FAM90A1: variants seen among roughly 807,000 people sequenced by gnomAD.
FAM90A1 encodes the protein protein FAM90A1.
FAM90A1 carries 10 observed loss-of-function variants against 14.8 expected under a neutral mutation model. That is an observed-to-expected ratio of 0.67 (90% CI 0.42 to 1.14). FAM90A1 has a LOEUF of 1.14. Ranked by LOEUF, FAM90A1 falls within the 50% of genes most tolerant of loss-of-function variation. The probability of loss-of-function intolerance (pLI) is 0.00; values close to 1 mark genes in which losing one functional copy is unlikely to be tolerated. For synonymous variants in FAM90A1, 236 were observed against 248.4 expected (o/e 0.95, Z 0.47); for missense variants, 567 against 602.8 (o/e 0.94, Z 0.62).
intron 4 of FAM90A1, 67 bp from the exon 5 acceptor site, chr12:8,224,282 A>G: frequency 7.7e-7 from 1 of 1,290,716 alleles, no homozygotes; most frequent in Non-Finnish European, 1.1e-6. Context: ...CCACGTCAAC[A>G]TTGAGACGGA....
In FAM90A1 at chr12:8,222,336, G is replaced by A; in HGVS notation, c.881C>T (p.Ala294Val). 6.2e-7 allele frequency: 1 copy of A among 1,611,656 alleles called. No individual in the cohort carries two copies. Among genetic ancestry groups the A allele is most frequent in the Non-Finnish European group, 8.5e-7 (1 of 1,179,934 alleles). The change falls in exon 7 of 7, where the codon GCC becomes GTC. Residue 294 changes from alanine (A) to valine (V), a missense_variant. Transcript: ENST00000538603. ...LSFGPGAKRS[A>V]PAPIQACLNF... is the part of the protein sequence containing the mutation. ...CAGGCAAGCCTGAATCGGAGCCGGG[G>A]CAGATCTCTTGGCTCCTGGCCCGAA...
chr12:8,226,645 C>A (rs1182141833), intron 1 of FAM90A1, among the ~76,000 whole-genome samples, 167 bp from the exon 2 acceptor site: 1 of 152,104 alleles, frequency 6.6e-6, no homozygotes, highest in Non-Finnish European at 1.5e-5. Flanking sequence ...CAGCTCTCTG[C>A]CATAGGGTCT....
chr12:8,222,533 C>T lies in FAM90A1; in HGVS notation c.684G>A (p.Pro228=), dbSNP rs745993922. ...QGPEPLLVVK[P]THSSPAGGCR... Reference sequence around the variant, plus strand: ...AGCCACCCGCAGGGCTGCTGTGTGTCGGCTTCACCACGAGGAGAGGCTCGG... The same window carrying T: ...AGCCACCCGCAGGGCTGCTGTGTGTTGGCTTCACCACGAGGAGAGGCTCGG... The change falls in exon 7 of 7, where the codon CCG becomes CCA. Residue 228 remains proline, a synonymous_variant. Transcript: ENST00000538603. The T allele has an allele frequency of 5.6e-6, 9 of 1,611,884 alleles. No individual in the cohort carries two copies. The highest frequency in any genetic ancestry group is 5.0e-5 in the Admixed American group (3 of 59,996).
In FAM90A1 at chr12:8,223,499, T is replaced by A; in HGVS notation, c.382A>T (p.Lys128Ter). Residue 128 changes from lysine (K) to a stop codon, truncating the protein, a stop_gained, in exon 6 of 7, where the codon AAG (lysine) becomes TAG (stop). Coordinates refer to ENST00000538603, the MANE Select transcript of FAM90A1 (RefSeq NM_018088.3). LOFTEE classifies it low-confidence loss of function (END_TRUNC). ...LHIFSRKPPE[K>*]PLPNQKGSTE... ...GATCCTTTTTGATTTGGCAGCGGCT[T>A]CTCTGGAGGTTTCCTGGAAAATATG... The A allele has an allele frequency of 3.1e-6, 5 of 1,610,262 alleles. No homozygotes were observed. Among genetic ancestry groups the A allele is most frequent in the Non-Finnish European group, 4.2e-6 (5 of 1,178,240 alleles).
At chr12:8,225,108 G>A (rs1261864124) in intron 3 of FAM90A1, among the ~76,000 whole-genome samples, 2 of 152,272 alleles carry the variant, frequency 1.3e-5, no homozygotes, top group African/African-American at 4.8e-5. Context: ...GCCTGCCACA[G>A]GGCCCGTGGC....
Position 8,221,759 on chromosome 12 carries a change from A to C in FAM90A1, c.*63T>G, listed in dbSNP as rs902964093. The C allele has an allele frequency of 3.3e-6, 5 of 1,513,068 alleles. No individual in the cohort carries two copies. In the African/African-American group the frequency reaches 6.9e-5, roughly 21 times the overall value. The allele number at this position is 1,513,068 out of a possible 1,614,324, so 93.7% of individuals were successfully genotyped here. The stretch of plus-strand genomic sequence containing the variant: ...GTCTGCTCTCTGCTCTGTGCTCCTC[A>C]GTCCCACAGTCCCCTCCAAGTCACG... On this transcript the variant is annotated 3_prime_UTR_variant, in exon 7 of 7. Coordinates refer to ENST00000538603, the MANE Select transcript of FAM90A1 (RefSeq NM_018088.3).
In FAM90A1 at chr12:8,226,332, C is replaced by G. The variant is rs1473155901; in HGVS notation, c.-274G>C. 2.0e-5 allele frequency: 3 copies of G among 152,256 alleles called. No individual in the cohort carries two copies. Among genetic ancestry groups the G allele is most frequent in the African/African-American group, 7.2e-5 (3 of 41,434 alleles). 9.4% of individuals were successfully genotyped at this position (152,256 alleles called of 1,614,324 possible). On this transcript the variant is annotated 5_prime_UTR_variant, in exon 2 of 7. Transcript: ENST00000538603. ...AGGCCTCCGTGTCATCATGGAGATT[C>G]TCCTTGACATGCAGTCACGGCCATG...
In FAM90A1 at chr12:8,227,551, A is replaced by T. The variant is rs1273714515; in HGVS notation, c.-492T>A. Reference sequence around the variant, plus strand: ...CTATGCGTCAGGGGTCAGGGTGCACACATCCCTGCAGGTCTCGGGGCTCCT... The same window carrying T: ...CTATGCGTCAGGGGTCAGGGTGCACTCATCCCTGCAGGTCTCGGGGCTCCT... On this transcript the variant is annotated 5_prime_UTR_variant, in exon 1 of 7. Transcript: ENST00000538603. 9.1e-7 allele frequency: 1 copy of T among 1,099,608 alleles called. No individual in the cohort carries two copies. The highest frequency in any genetic ancestry group is 1.3e-6 in the Non-Finnish European group (1 of 783,184). The allele number at this position is 1,099,608 out of a possible 1,614,324, so 68.1% of individuals were successfully genotyped here. A position where few individuals can be genotyped will look rare whatever the true frequency, so the allele number is the denominator to read the frequency against.
rs1324336668 is a variant in FAM90A1, at chr12:8,225,896, AG to A, written c.-118del. 4 of 152,240 alleles carry A rather than the reference AG, an allele frequency of 2.6e-5. No individual in the cohort carries two copies. Among genetic ancestry groups the A allele is most frequent in the African/African-American group, 7.2e-5 (3 of 41,450 alleles). The allele number at this position is 152,240 out of a possible 1,614,324, so 9.4% of individuals were successfully genotyped here. ...CGCTGAGATGGGCAGGTGCTGGAGC[AG>A]CCCCGCTGGAAGCGATGCAGCATCC... On this transcript the variant is annotated 5_prime_UTR_variant, in exon 3 of 7. It removes the in-frame stop codon of an upstream open reading frame in the 5' UTR. Coordinates refer to ENST00000538603, the MANE Select transcript of FAM90A1 (RefSeq NM_018088.3).
intron 5 of FAM90A1, among the ~76,000 whole-genome samples, chr12:8,223,764 G>T (rs1206780351): frequency 3.3e-5 from 5 of 152,190 alleles, no homozygotes; most frequent in Non-Finnish European, 5.9e-5. Flanking sequence ...CTGTGATTTG[G>T]ATTCCATCAC....
chr12:8,224,166 C>A lies in FAM90A1; in HGVS notation c.173G>T (p.Arg58Met). The A allele has an allele frequency of 1.9e-6, 3 of 1,612,058 alleles. No individual in the cohort carries two copies. Among genetic ancestry groups the A allele is most frequent in the Non-Finnish European group, 1.7e-6 (2 of 1,179,860 alleles). Reference protein sequence around the residue: ...EAFGHTARSTRCPMKCWKAAL... With the variant: ...EAFGHTARSTMCPMKCWKAAL... The stretch of plus-strand genomic sequence containing the variant: ...TGCCTTCCAGCACTTCATGGGGCAC[C>A]TGGTACTTCTGGCCGTGTGGCCAAA... Residue 58 changes from arginine to methionine, a missense_variant, in exon 5 of 7, where the codon AGG becomes ATG. Arg to Met is a moderately conservative substitution (Grantham distance 91). Transcript: ENST00000538603.
chr12:8,222,641 G>T lies in FAM90A1; in HGVS notation c.576C>A (p.Ser192Arg), dbSNP rs1478350079. Reference protein sequence around the residue: ...SLSPLRKASLSSSSSLGPKER... With the variant: ...SLSPLRKASLRSSSSLGPKER... ...CCTTTGGTCCAAGACTTGAGGAGGA[G>T]CTCAGACTGGCTTTTCTGAGGGGAG... Residue 192 changes from serine to arginine, a missense_variant, in exon 7 of 7, where the codon AGC becomes AGA. Transcript: ENST00000538603. 1.2e-5 allele frequency: 20 copies of T among 1,611,636 alleles called. No homozygotes were observed. The highest frequency in any genetic ancestry group is 1.7e-5 in the Non-Finnish European group (20 of 1,179,850).
Position 8,221,873 on chromosome 12 carries a change from C to T in FAM90A1, c.1344G>A (p.Glu448=), listed in dbSNP as rs1363003966. ...CVRVPPSVLY[E]DLQVPSSSED... ...CTGAGGAGGAGGGAACCTGAAGGTC[C>T]TCATAGAGGACGCTTGGTGGGACAC... Residue 448 remains glutamate, a synonymous_variant, in exon 7 of 7, where the codon GAG becomes GAA. Transcript: ENST00000538603. 1 of 1,596,308 alleles carries T rather than the reference C, an allele frequency of 6.3e-7. No individual in the cohort carries two copies. The highest frequency in any genetic ancestry group is 1.7e-5 in the Admixed American group (1 of 60,000).
At position 8,223,569 on chromosome 12, in the gene FAM90A1, A is replaced by G. The variant is rs1491001884; in HGVS notation, c.324-12T>C. The G allele has an allele frequency of 6.8e-7, 1 of 1,467,378 alleles. No homozygotes were observed. The highest frequency in any genetic ancestry group is 2.3e-5 in the East Asian group (1 of 43,942). The allele number at this position is 1,467,378 out of a possible 1,614,324, so 90.9% of individuals were successfully genotyped here. On this transcript the variant is annotated splice_polypyrimidine_tract_variant and intron_variant, in intron 5 of 6. Transcript: ENST00000538603. Reference sequence around the variant, plus strand: ...GCGGGTCTTGTGGCCTGCAGAACAGAAAAAGGTCAGGCCGTCCTCCCTGGT... The same window carrying G: ...GCGGGTCTTGTGGCCTGCAGAACAGGAAAAGGTCAGGCCGTCCTCCCTGGT...
At chr12:8,223,398 A>C (rs749778632) in intron 6 of FAM90A1, 51 bp downstream of exon 6, 3 of 1,167,810 alleles carry the variant, frequency 2.6e-6, no homozygotes, top group Non-Finnish European at 3.9e-6. Context: ...AAGGAAATCA[A>C]CCAGGGTGAC....
chr12:8,222,807 G>C, intron 6 of FAM90A1, 23 bp from the exon 7 acceptor site: 1 of 1,574,218 alleles, frequency 6.4e-7, no homozygotes, highest in Non-Finnish European at 8.6e-7. Context: ...AAACAACACA[G>C]GTTAGAAGTT....
At chr12:8,226,716 C>G (rs1326612291) in intron 1 of FAM90A1, among the ~76,000 whole-genome samples, 1 of 151,616 alleles carries the variant, frequency 6.6e-6, no homozygotes, top group Non-Finnish European at 1.5e-5. Context: ...GCAGGGAGCC[C>G]AGATGTGAAT....
rs968751949 is a variant in FAM90A1, at chr12:8,222,616, C to T, written c.601G>A (p.Glu201Lys). 1.2e-6 allele frequency: 2 copies of T among 1,611,824 alleles called. No homozygotes were observed. Among genetic ancestry groups the T allele is most frequent in the Non-Finnish European group, 1.7e-6 (2 of 1,179,872 alleles). ...TCGGCCGCAGCCCCTGTCTGTCTTT[C>T]CTTTGGTCCAAGACTTGAGGAGGAG... ...LSSSSSLGPK[E>K]RQTGAAADIP... Residue 201 changes from glutamate (E) to lysine (K), a missense_variant, in exon 7 of 7, where the codon GAA becomes AAA. Physicochemically the swap from Glu to Lys is moderately conservative, Grantham distance 56. Transcript: ENST00000538603.
Position 8,224,708 on chromosome 12 carries a change from AC to A in FAM90A1, c.123+1del, listed in dbSNP as rs1948904002. 2 of 1,346,968 alleles carry A rather than the reference AC, an allele frequency of 1.5e-6. No individual in the cohort carries two copies. Among genetic ancestry groups the A allele is most frequent in the African/African-American group, 3.0e-5 (2 of 65,836 alleles). 83.4% of individuals were successfully genotyped at this position (1,346,968 alleles called of 1,614,324 possible). ...ACCCAAGAGATCCAGGGCTAGACTT[AC>A]CCTGGGATCTTCTTCATCGGGCGGG... On this transcript the variant is annotated splice_donor_variant, in intron 4 of 6. Transcript: ENST00000538603. LOFTEE classifies it high-confidence loss of function.
Sources: allele counts gnomAD v4.1 joint callset (sites outside exome capture counted in the v4.1 genomes callset), GRCh38; gene constraint gnomAD v4.1.1; transcripts MANE v1.5; gene names NCBI Gene and HGNC (gene_info 2026-07-23, HGNC 2026-07-21).